Variants in NAALADL2 observed in about 807,000 individuals in gnomAD.
NAALADL2 encodes inactive N-acetylated-alpha-linked acidic dipeptidase-like protein 2.
A neutral mutation model predicts 87.2 loss-of-function variants in NAALADL2; 76 were observed. The ratio of observed to expected loss-of-function variants is 0.87; its 90% CI spans 0.72 to 1.05. The LOEUF (loss-of-function observed/expected upper bound fraction) is 1.05, where lower values mean the gene tolerates loss of function less well. NAALADL2 is among the 50% of genes least tolerant of loss of function. The probability of loss-of-function intolerance (pLI) is 0.00; values close to 1 mark genes in which losing one functional copy is unlikely to be tolerated. For synonymous variants in NAALADL2, 354 were observed against 331.0 expected (o/e 1.07, Z -0.75); for missense variants, 1,089 against 945.8 (o/e 1.15, Z -1.99).
chr3:174,473,404 A>G (rs1278074325), intron 1 of NAALADL2, among the ~76,000 whole-genome samples: 2 of 152,132 alleles, frequency 1.3e-5, no homozygotes, highest in Non-Finnish European at 2.9e-5. Flanking sequence ...TCACATTTTC[A>G]TCTTCCTCTG....
chr3:175,676,858 T>C (rs1734854239), intron 11 of NAALADL2: 1 of 152,014 alleles, frequency 6.6e-6, no homozygotes, highest in Admixed American at 6.6e-5. Context: ...CTGAAGAGAA[T>C]CAAATGTGAT....
At chr3:174,821,807 A>G (rs1721454933) in intron 3 of NAALADL2, among the ~76,000 whole-genome samples, 1 of 152,168 alleles carries the variant, frequency 6.6e-6, no homozygotes, top group African/African-American at 2.4e-5. Context: ...TTTATGGGTT[A>G]ACTATCCAGA....
intron 2 of NAALADL2, among the ~76,000 whole-genome samples, chr3:174,679,301 A>G (rs983495289): frequency 6.6e-6 from 1 of 152,072 alleles, no homozygotes; most frequent in African/African-American, 2.4e-5. Context: ...TCCCTCTTCA[A>G]TGATGTCTAA....
At chr3:174,815,857 T>TA (rs1491429730) in intron 3 of NAALADL2, among the ~76,000 whole-genome samples, 3 of 124,296 alleles carry the variant, frequency 2.4e-5, no homozygotes, top group African/African-American at 6.3e-5. Context: ...TTTTTTTTTT[T>TA]AAGTTTCCTT....
chr3:175,441,412 A>G (rs761911946), intron 5 of NAALADL2, among the ~76,000 whole-genome samples: 1 of 152,194 alleles, frequency 6.6e-6, no homozygotes, highest in African/African-American at 2.4e-5. Flanking sequence ...TTTGGTATCC[A>G]CAAGGGCTCC....
In NAALADL2 at chr3:175,679,141, T is replaced by A. The variant is rs1321324578; in HGVS notation, c.1896+51755T>A. On this transcript the variant is annotated intron_variant, in intron 11 of 13. Coordinates refer to ENST00000454872, the MANE Select transcript of NAALADL2 (RefSeq NM_207015.3). ...ATAATGTCATCAGTTAAGGCAGGAATAGGCCATTTTCACTTCTTTTGTGAT... is the reference window on the plus strand; with the variant it reads ...ATAATGTCATCAGTTAAGGCAGGAAAAGGCCATTTTCACTTCTTTTGTGAT... Among the ~76,000 whole-genome samples, 3 of 152,114 alleles carry A rather than the reference T, an allele frequency of 2.0e-5. No individual in the cohort carries two copies. In the East Asian group the frequency reaches 5.8e-4, roughly 29 times the overall value.
At chr3:175,016,924 A>G (rs1397333947) in intron 1 of NAALADL2, among the ~76,000 whole-genome samples, 1 of 151,966 alleles carries the variant, frequency 6.6e-6, no homozygotes, top group African/African-American at 2.4e-5. Context: ...GGGAACATTC[A>G]TGTTATTGTC....
chr3:175,267,301 A>C (rs1017729642), intron 4 of NAALADL2, among the ~76,000 whole-genome samples: 13 of 152,218 alleles, frequency 8.5e-5, no homozygotes, highest in South Asian at 2.1e-4. Flanking sequence ...TGTGTGCTCT[A>C]ATTGATTATA....
chr3:174,570,407 C>T (rs1714791632), intron 2 of NAALADL2, among the ~76,000 whole-genome samples: 2 of 151,954 alleles, frequency 1.3e-5, no homozygotes, highest in Admixed American at 1.3e-4. Context: ...ATAAATAGGA[C>T]ATTACAGGTT....
intron 2 of NAALADL2, among the ~76,000 whole-genome samples, chr3:175,171,916 G>A (rs1734894906): frequency 6.6e-6 from 1 of 152,098 alleles, no homozygotes; most frequent in African/African-American, 2.4e-5. Flanking sequence ...GGTTGTTTGG[G>A]TGGCAGTTGG....
intron 2 of NAALADL2, among the ~76,000 whole-genome samples, chr3:175,151,321 G>C (rs1731509806): frequency 6.6e-6 from 1 of 152,152 alleles, no homozygotes; most frequent in Non-Finnish European, 1.5e-5. Flanking sequence ...CATGTAACTG[G>C]CTGAATAGAC....
At chr3:175,179,665 TTCTAGAGAGACTTGATC>T (rs1281868919) in intron 2 of NAALADL2, among the ~76,000 whole-genome samples, 7 of 152,036 alleles carry the variant, frequency 4.6e-5, no homozygotes, top group Admixed American at 2.0e-4. Flanking sequence ...CATGGGTTAC[TTCTAGAGAGACTTGATC>T]TTAGCTACTG....
intron 2 of NAALADL2, among the ~76,000 whole-genome samples, chr3:174,657,309 A>G (rs1417745908): frequency 6.6e-6 from 1 of 151,966 alleles, no homozygotes; most frequent in Non-Finnish European, 1.5e-5. Context: ...GGAAGCTGCC[A>G]CTATGCCCAG....
intron 2 of NAALADL2, among the ~76,000 whole-genome samples, chr3:174,688,410 TAAACA>T (rs1452650741): frequency 1.3e-5 from 2 of 150,346 alleles, no homozygotes; most frequent in Non-Finnish European, 3.0e-5. Context: ...ATAAAAAATA[TAAACA>T]ATCAGTCACA....
intron 3 of NAALADL2, among the ~76,000 whole-genome samples, chr3:175,255,003 G>A (rs571749396): frequency 2.0e-5 from 3 of 152,292 alleles, no homozygotes; most frequent in East Asian, 3.9e-4. Context: ...ACACCTGGGC[G>A]AGTATGGGTA....
intron 1 of NAALADL2, among the ~76,000 whole-genome samples, chr3:174,903,072 C>A (rs200163939): frequency 6.6e-6 from 1 of 152,094 alleles, no homozygotes; most frequent in East Asian, 1.9e-4. Flanking sequence ...TTTTCCCCCC[C>A]AAATAGCCAC....
chr3:174,752,714 T>A (rs1266373706), intron 3 of NAALADL2, among the ~76,000 whole-genome samples: 2 of 152,162 alleles, frequency 1.3e-5, no homozygotes, highest in Non-Finnish European at 2.9e-5. Flanking sequence ...CTGTGTAATT[T>A]ATTTTTGTTA....
chr3:175,250,214 A>C (rs1748794434), intron 3 of NAALADL2, among the ~76,000 whole-genome samples: 9 of 150,022 alleles, frequency 6.0e-5, no homozygotes, highest in Admixed American at 4.7e-4. Flanking sequence ...ATAAGAATAG[A>C]TACCTGAGAG....
At chr3:175,343,600 C>A (rs1367175994) in intron 5 of NAALADL2, among the ~76,000 whole-genome samples, 1 of 144,356 alleles carries the variant, frequency 6.9e-6, no homozygotes, top group African/African-American at 2.5e-5. Flanking sequence ...GTCTTTCATG[C>A]ATTATGTGTA....
Sources: allele counts gnomAD v4.1 joint callset (sites outside exome capture counted in the v4.1 genomes callset), GRCh38; gene constraint gnomAD v4.1.1; transcripts MANE v1.5; gene names NCBI Gene and HGNC (gene_info 2026-07-23, HGNC 2026-07-21).